Variants in CD226 observed in about 807,000 individuals in gnomAD.
The protein encoded by CD226 is CD226 antigen.
Under a neutral mutation model 34.9 loss-of-function variants are expected in CD226, and 24 were observed. The ratio of observed to expected loss-of-function variants is 0.69; its 90% confidence interval spans 0.50 to 0.97. The LOEUF (loss-of-function observed/expected upper bound fraction) is 0.97. CD226 is among the 50% of genes least tolerant of loss of function. The pLI is 0.00. For missense variants in CD226, 397 were observed against 412.7 expected (o/e 0.96, Z 0.33); for synonymous variants, 148 against 147.4 (o/e 1.00, Z -0.03).
chr18:69,895,297 C>T (rs746744280), intron 3 of CD226, among the ~76,000 whole-genome samples: 18 of 152,190 alleles, frequency 1.2e-4, no homozygotes, highest in Non-Finnish European at 2.6e-4. Flanking sequence ...CCATATCAAC[C>T]TAGCACTGTC....
chr18:69,880,683 G>A (rs1157516531), intron 3 of CD226, among the ~76,000 whole-genome samples: 3 of 139,828 alleles, frequency 2.1e-5, no homozygotes, highest in African/African-American at 5.2e-5. Flanking sequence ...ACAGAGTCTC[G>A]TTTTGTCACC....
intron 2 of CD226, among the ~76,000 whole-genome samples, chr18:69,944,964 T>C (rs1257653472): frequency 6.6e-6 from 1 of 152,224 alleles, no homozygotes; most frequent in Admixed American, 6.5e-5. Context: ...TATGAAGATG[T>C]TTCTTATCTC....
intron 3 of CD226, among the ~76,000 whole-genome samples, chr18:69,875,362 T>C (rs1983800577): frequency 6.6e-6 from 1 of 152,220 alleles, no homozygotes. Flanking sequence ...GGTCTCGAAC[T>C]CCTGACCTCA....
upstream of CD226, among the ~76,000 whole-genome samples, chr18:69,950,273 C>T (rs1028962572): frequency 6.6e-6 from 1 of 152,218 alleles, no homozygotes; most frequent in Non-Finnish European, 1.5e-5. Context: ...CTCTCTCTCT[C>T]TCACACACAT....
Position 69,895,976 on chromosome 18 carries a change from G to C in CD226, c.452C>G (p.Thr151Ser). 1 of 1,614,036 alleles carries C rather than the reference G, an allele frequency of 6.2e-7. No individual in the cohort carries two copies. The highest frequency in any genetic ancestry group is 1.7e-5 in the Admixed American group (1 of 60,030). The change falls in exon 3 of 6, where the codon ACT (threonine) becomes AGT (serine). Residue 151 changes from threonine (T) to serine (S), a missense_variant. By Grantham distance (58) the Thr-to-Ser change is moderately conservative (BLOSUM62 1). Coordinates refer to ENST00000582621, the MANE Select transcript of CD226 (RefSeq NM_001303618.2). ...VSEPGKNVTL[T>S]CQPQMTWPVQ... ...AGGCCACGTCATCTGAGGCTGACAA[G>C]TGAGTGTGACATTCTTTCCAGGTTC... is the stretch of plus-strand genomic sequence containing the variant.
intron 3 of CD226, among the ~76,000 whole-genome samples, chr18:69,879,657 G>A (rs113537361): frequency 2.2e-4 from 33 of 152,328 alleles, no homozygotes; most frequent in Non-Finnish European, 4.3e-4. Flanking sequence ...ACAGGGTCCT[G>A]AGGTGACATA....
At chr18:69,900,757 T>A (rs891528974) in intron 2 of CD226, among the ~76,000 whole-genome samples, 107 of 132,842 alleles carry the variant, frequency 8.1e-4, no homozygotes, top group African/African-American at 2.9e-3. Context: ...AAAAAAAAAA[T>A]TTCTAATAAA....
chr18:69,907,308 T>C (rs2055266805), intron 2 of CD226, among the ~76,000 whole-genome samples: 1 of 152,144 alleles, frequency 6.6e-6, no homozygotes. Flanking sequence ...GGAACCAGAT[T>C]CCTAAATGTC....
At chr18:69,924,412 T>G (rs900345628) in intron 2 of CD226, among the ~76,000 whole-genome samples, 7 of 152,078 alleles carry the variant, frequency 4.6e-5, no homozygotes, top group Admixed American at 6.6e-5. Flanking sequence ...TGATTCTGAC[T>G]AGAAAGGCAA....
intron 2 of CD226, among the ~76,000 whole-genome samples, chr18:69,904,373 G>A (rs1425640708): frequency 4.6e-5 from 7 of 152,172 alleles, no homozygotes; most frequent in African/African-American, 1.7e-4. Context: ...GGCCCCGGCA[G>A]CTTTGTGATT....
intron 2 of CD226, among the ~76,000 whole-genome samples, chr18:69,910,287 G>A (rs2145284139): frequency 6.6e-6 from 1 of 152,326 alleles, no homozygotes; most frequent in Admixed American, 6.5e-5. Flanking sequence ...GGAAAACGTG[G>A]CAAACACACC....
chr18:69,920,713 C>T (rs1028977978), intron 2 of CD226, among the ~76,000 whole-genome samples: 2 of 152,118 alleles, frequency 1.3e-5, no homozygotes, highest in African/African-American at 4.8e-5. Flanking sequence ...TGAATCTCAC[C>T]TTTCATTTGA....
In CD226 at chr18:69,856,559, T is replaced by C. The variant is rs1982615642; in HGVS notation, c.*7755A>G. ...ACAAGATAGACCATATTCTGGGCCA[T>C]AAAATACACCTGAAAAATTTAAAAG... is the stretch of plus-strand genomic sequence containing the variant. On this transcript the variant is annotated 3_prime_UTR_variant, in exon 6 of 6. Coordinates refer to ENST00000582621, the MANE Select transcript of CD226 (RefSeq NM_001303618.2). 1.3e-5 allele frequency: 2 copies of C among 152,120 alleles called. No homozygotes were observed. The highest frequency in any genetic ancestry group is 4.8e-5 in the African/African-American group (2 of 41,444). 9.4% of individuals were successfully genotyped at this position (152,120 alleles called of 1,614,324 possible).
At chr18:69,930,114 C>A (rs1419616842) in intron 2 of CD226, among the ~76,000 whole-genome samples, 1 of 152,060 alleles carries the variant, frequency 6.6e-6, no homozygotes, top group Admixed American at 6.6e-5. Context: ...AGATGATGGG[C>A]TACATTATTC....
chr18:69,944,528 T>C (rs748485100), intron 2 of CD226: 7 of 152,242 alleles, frequency 4.6e-5, no homozygotes, highest in African/African-American at 1.2e-4. Context: ...GTTAGCTCCA[T>C]CCTCTATCCT....
At chr18:69,865,231 C>T (rs566762653) in intron 5 of CD226, among the ~76,000 whole-genome samples, 1 of 152,174 alleles carries the variant, frequency 6.6e-6, no homozygotes, top group Non-Finnish European at 1.5e-5. Context: ...CTCAGACGAT[C>T]CGCCCACCTC....
chr18:69,934,330 T>G (rs1388083762), intron 2 of CD226, among the ~76,000 whole-genome samples: 1 of 148,488 alleles, frequency 6.7e-6, no homozygotes, highest in Non-Finnish European at 1.5e-5. Context: ...ACCCCTTCAC[T>G]AAGCAATTCT....
At chr18:69,914,119 T>C (rs568279973) in intron 2 of CD226, among the ~76,000 whole-genome samples, 1 of 152,242 alleles carries the variant, frequency 6.6e-6, no homozygotes, top group Non-Finnish European at 1.5e-5. Flanking sequence ...TATACTACCA[T>C]CTATGAATTT....
chr18:69,883,658 T>C (rs1568167516), intron 3 of CD226, among the ~76,000 whole-genome samples: 1 of 152,382 alleles, frequency 6.6e-6, no homozygotes, highest in East Asian at 1.9e-4. Flanking sequence ...TTAGAAGATG[T>C]ATGTATATAA....
Sources: allele counts gnomAD v4.1 joint callset (sites outside exome capture counted in the v4.1 genomes callset), GRCh38; gene constraint gnomAD v4.1.1; transcripts MANE v1.5; gene names NCBI Gene and HGNC (gene_info 2026-07-23, HGNC 2026-07-21).